The following CHIA variants were observed in gnomAD, a reference collection of about 807,000 sequenced individuals.
CHIA encodes the protein chitinase acidic, also known as acidic mammalian chitinase.
A neutral mutation model predicts 53.5 loss-of-function variants in CHIA; 47 were observed. That is an observed-to-expected ratio of 0.88 (90% CI 0.70 to 1.12). The LOEUF is 1.12. Among genes scored for constraint, CHIA ranks in the 50% most tolerant of loss-of-function variants. The probability of loss-of-function intolerance (pLI) is 0.00; values close to 1 mark genes in which losing one functional copy is unlikely to be tolerated. For synonymous variants in CHIA, 268 were observed against 222.2 expected, an observed-to-expected ratio of 1.21 and a Z score of -1.83; for missense variants, 652 against 592.2, an observed-to-expected ratio of 1.10 and a Z score of -1.05.
At chr1:111,317,625 T>C (rs1430657637) in intron 6 of CHIA, 56 bp from the exon 7 acceptor site, 2 of 1,595,414 alleles carry the variant, frequency 1.3e-6, no homozygotes, top group Admixed American at 1.7e-5. Context: ...ATTAGTATTA[T>C]TTAAGGAGCT....
At chr1:111,303,363 T>TACAACTAACCACAA in intron 1 of CHIA, among the ~76,000 whole-genome samples, 1 of 152,108 alleles carries the variant, frequency 6.6e-6, no homozygotes, top group African/African-American at 2.4e-5. Context: ...TCTTTGTGGT[T>TACAACTAACCACAA]AGTTGATTGT....
At chr1:111,314,994 A>G (rs944642497) in intron 5 of CHIA, 1 of 427,960 alleles carries the variant, frequency 2.3e-6, no homozygotes, top group Admixed American at 3.9e-5. Context: ...TGGGGAGGGA[A>G]CACAGTGTGC....
In CHIA at chr1:111,294,888, C is replaced by T. The variant is rs953182168; in HGVS notation, c.-69+3938C>T. 3.3e-5 allele frequency among the ~76,000 whole-genome samples: 5 copies of T among 152,064 alleles called. No homozygotes were observed. The East Asian group carries it at 5.8e-4, about 18-fold the overall frequency. On this transcript the variant is annotated intron_variant, in intron 1 of 11. Coordinates refer to ENST00000369740, the MANE Select transcript of CHIA (RefSeq NM_201653.4). ...TCTTGCATTCAATGAATAAATCCCT[C>T]GTGAACACAGTATATAATCCCTTAA... is the stretch of plus-strand genomic sequence containing the variant.
At chr1:111,300,815 T>A (rs527525385) in intron 1 of CHIA, among the ~76,000 whole-genome samples, 1 of 152,164 alleles carries the variant, frequency 6.6e-6, no homozygotes, top group South Asian at 2.1e-4. Context: ...TGGGAGGAAA[T>A]TTTTGCAATC....
intron 1 of CHIA, among the ~76,000 whole-genome samples, chr1:111,295,096 A>T (rs935285388): frequency 5.9e-5 from 9 of 152,210 alleles, no homozygotes; most frequent in Admixed American, 5.2e-4. Context: ...GTTTGAAAAG[A>T]ATTGGTGTTC....
At chr1:111,302,551 C>A (rs1647845010) in intron 1 of CHIA, among the ~76,000 whole-genome samples, 1 of 152,106 alleles carries the variant, frequency 6.6e-6, no homozygotes, top group African/African-American at 2.4e-5. Flanking sequence ...AAATTGGTGG[C>A]TTCTACAGTT....
chr1:111,296,466 C>T (rs1333856334), intron 1 of CHIA, among the ~76,000 whole-genome samples: 1 of 152,186 alleles, frequency 6.6e-6, no homozygotes, highest in African/African-American at 2.4e-5. Context: ...CTCCAACAGA[C>T]CTGCAGCTGA....
chr1:111,308,804 C>T (rs1161539692), intron 1 of CHIA, among the ~76,000 whole-genome samples: 3 of 152,294 alleles, frequency 2.0e-5, no homozygotes, highest in Non-Finnish European at 4.4e-5. Flanking sequence ...GTATTAGAGG[C>T]AGGTTCTGTA....
chr1:111,300,972 G>T (rs1304695101), intron 1 of CHIA, among the ~76,000 whole-genome samples: 1 of 152,150 alleles, frequency 6.6e-6, no homozygotes, highest in African/African-American at 2.4e-5. Context: ...CAACAGACAT[G>T]TGAAAAAATG....
intron 1 of CHIA, among the ~76,000 whole-genome samples, chr1:111,307,153 A>G (rs1383997117): frequency 6.6e-6 from 1 of 152,262 alleles, no homozygotes; most frequent in Non-Finnish European, 1.5e-5. Flanking sequence ...TGTGTACAGG[A>G]ACGCTTATAT....
chr1:111,297,735 A>G (rs931106893), intron 1 of CHIA, among the ~76,000 whole-genome samples: 1 of 152,058 alleles, frequency 6.6e-6, no homozygotes, highest in Admixed American at 6.5e-5. Flanking sequence ...TACTAACATT[A>G]AATGTAAATG....
chr1:111,299,816 G>C (rs1647556551), intron 1 of CHIA, among the ~76,000 whole-genome samples: 1 of 152,168 alleles, frequency 6.6e-6, no homozygotes, highest in African/African-American at 2.4e-5. Flanking sequence ...TGACATGATT[G>C]TATATTTAGA....
Position 111,310,481 on chromosome 1 carries a change from T to C in CHIA, c.14T>C (p.Ile5Thr), listed in dbSNP as rs765029178. 12 of 1,614,224 alleles carry C rather than the reference T, an allele frequency of 7.4e-6. No homozygotes were observed. In the Admixed American group the frequency reaches 2.0e-4, roughly 27 times the overall value. MTKL[I>T]LLTGLVLILN... ...CTGACTGCAACCATGACAAAGCTTA[T>C]TCTCCTCACAGGTGGGTTTGTAATC... The change falls in exon 2 of 12, where the codon ATT (isoleucine) becomes ACT (threonine). Residue 5 changes from isoleucine (I) to threonine (T), a missense_variant. Coordinates refer to ENST00000369740, the MANE Select transcript of CHIA (RefSeq NM_201653.4).
intron 3 of CHIA, 120 bp from the exon 4 acceptor site, chr1:111,312,070 C>T (rs1648723139): frequency 1.3e-6 from 1 of 762,830 alleles, no homozygotes; most frequent in East Asian, 2.5e-5. Context: ...TACTAATTAC[C>T]TCCACACAGA....
At chr1:111,305,746 G>A (rs1189793422) in intron 1 of CHIA, among the ~76,000 whole-genome samples, 2 of 152,164 alleles carry the variant, frequency 1.3e-5, no homozygotes, top group African/African-American at 4.8e-5. Context: ...CATCTTCTCA[G>A]AATTCGTTCC....
chr1:111,314,768 A>C, intron 5 of CHIA, 172 bp downstream of exon 5: 1 of 567,692 alleles, frequency 1.8e-6, no homozygotes. Context: ...TAAGTGGAAC[A>C]CAATTTATTT....
At chr1:111,297,762 T>A (rs940179460) in intron 1 of CHIA, among the ~76,000 whole-genome samples, 2 of 152,062 alleles carry the variant, frequency 1.3e-5, no homozygotes, top group African/African-American at 4.8e-5. Flanking sequence ...CTGCCCCAAT[T>A]AAAAGACACA....
chr1:111,305,221 C>T (rs1366174576), intron 1 of CHIA, among the ~76,000 whole-genome samples: 2 of 152,142 alleles, frequency 1.3e-5, no homozygotes, highest in East Asian at 3.9e-4. Context: ...TTTTTAATGT[C>T]CTAGTGTTTG....
intron 3 of CHIA, 63 bp downstream of exon 3, chr1:111,311,781 A>T: frequency 6.5e-7 from 1 of 1,549,252 alleles, no homozygotes; most frequent in Non-Finnish European, 8.9e-7. Flanking sequence ...CATACTATGG[A>T]AAGAGAGCCG....
Sources: gnomAD v4.1 joint callset for allele counts (sites outside exome capture counted in the v4.1 genomes callset) on GRCh38, gnomAD v4.1.1 for gene constraint, MANE v1.5 for transcripts, NCBI Gene and HGNC (gene_info 2026-07-23, HGNC 2026-07-21) for gene names.